Variants in DCDC1 observed in about 807,000 individuals in gnomAD.
DCDC1 encodes doublecortin domain containing 1, also known as doublecortin domain-containing protein 1.
A neutral mutation model predicts 178.3 loss-of-function variants in DCDC1; 200 were observed. That is an observed-to-expected ratio of 1.12 (90% CI 1.00 to 1.26). DCDC1 has a LOEUF of 1.26. Among genes scored for constraint, DCDC1 ranks in the 50% most tolerant of loss-of-function variants. The pLI is 0.00. For missense variants in DCDC1, 1,983 were observed against 1,749.2 expected, an observed-to-expected ratio of 1.13 and a Z score of -2.38; for synonymous variants, 690 against 604.8, an observed-to-expected ratio of 1.14 and a Z score of -2.07.
At chr11:30,929,654 T>A (rs548853291) in intron 22 of DCDC1, among the ~76,000 whole-genome samples, 5 of 152,144 alleles carry the variant, frequency 3.3e-5, no homozygotes, top group African/African-American at 7.2e-5. Flanking sequence ...AAGTAATATA[T>A]ATATTGAAAT....
At chr11:30,961,668 C>T (rs776214012) in intron 20 of DCDC1, among the ~76,000 whole-genome samples, 5 of 151,680 alleles carry the variant, frequency 3.3e-5, no homozygotes, top group Non-Finnish European at 7.4e-5. Flanking sequence ...ATTATTCATA[C>T]GGGTACAATA....
intron 1 of DCDC1, among the ~76,000 whole-genome samples, chr11:31,337,259 G>A (rs1950319277): frequency 6.6e-6 from 1 of 152,194 alleles, no homozygotes. Context: ...TTGCAGGGTT[G>A]AAGAATTCAA....
At chr11:31,150,533 T>C (rs2136093726) in intron 9 of DCDC1, among the ~76,000 whole-genome samples, 1 of 152,316 alleles carries the variant, frequency 6.6e-6, no homozygotes, top group Non-Finnish European at 1.5e-5. Flanking sequence ...CGTCTTTCTT[T>C]TTAATTTATA....
intron 22 of DCDC1, among the ~76,000 whole-genome samples, chr11:30,926,447 A>G (rs1433744483): frequency 6.6e-6 from 1 of 152,166 alleles, no homozygotes; most frequent in Non-Finnish European, 1.5e-5. Context: ...TAACTGTCAG[A>G]AAGGTGGAAA....
chr11:31,180,033 T>C (rs1968574410), intron 9 of DCDC1, among the ~76,000 whole-genome samples: 1 of 152,160 alleles, frequency 6.6e-6, no homozygotes, highest in African/African-American at 2.4e-5. Flanking sequence ...CAAAACCATA[T>C]GATCATCTCA....
In DCDC1 at chr11:31,126,953, C is replaced by T. The variant is rs1961712990; in HGVS notation, c.1485+516G>A. Among the ~76,000 whole-genome samples the T allele has an allele frequency of 1.3e-5, 2 of 152,088 alleles. 1 individual carries two copies. The highest frequency in any genetic ancestry group is 1.3e-4 in the Admixed American group (2 of 15,264). On this transcript the variant is annotated intron_variant, in intron 11 of 38. Transcript: ENST00000684477. ...GACAAATAACCAATTCACCTTTTTT[C>T]CCAGTATATTCTTAAGTATTGATTT...
intron 19 of DCDC1, 119 bp downstream of exon 19, chr11:31,064,900 C>T: frequency 1.7e-6 from 1 of 581,388 alleles, no homozygotes; most frequent in Non-Finnish European, 3.0e-6. Flanking sequence ...TTTAAACTAT[C>T]CATAACATTA....
At chr11:31,362,600 G>A (rs1951764920) in intron 1 of DCDC1, among the ~76,000 whole-genome samples, 1 of 152,060 alleles carries the variant, frequency 6.6e-6, no homozygotes, top group Admixed American at 6.6e-5. Context: ...CAAACAATCT[G>A]TCATTTGTCT....
intron 10 of DCDC1, among the ~76,000 whole-genome samples, chr11:31,130,823 G>T (rs906952962): frequency 1.3e-5 from 2 of 152,054 alleles, no homozygotes; most frequent in South Asian, 2.1e-4. Context: ...GGAATGGAAG[G>T]CAGAGACAAT....
intron 6 of DCDC1, among the ~76,000 whole-genome samples, chr11:31,294,870 A>AAAG (rs1565567555): frequency 1.0e-4 from 15 of 149,510 alleles, no homozygotes; most frequent in South Asian, 2.1e-4. Context: ...AAGAAAGAAA[A>AAAG]AGAAAACAGA....
At chr11:30,962,270 T>C (rs906165973) in intron 20 of DCDC1, among the ~76,000 whole-genome samples, 1 of 152,066 alleles carries the variant, frequency 6.6e-6, no homozygotes, top group African/African-American at 2.4e-5. Flanking sequence ...TACAAACTAA[T>C]AAATACAGTT....
intron 18 of DCDC1, among the ~76,000 whole-genome samples, chr11:31,070,205 A>G (rs1187956649): frequency 6.6e-6 from 1 of 152,184 alleles, no homozygotes; most frequent in East Asian, 1.9e-4. Flanking sequence ...ACCTCCAATG[A>G]GGCACCCACA....
At chr11:31,112,560 C>A (rs1424270300) in intron 11 of DCDC1, among the ~76,000 whole-genome samples, 1 of 152,076 alleles carries the variant, frequency 6.6e-6, no homozygotes, top group Admixed American at 6.6e-5. Flanking sequence ...ATGCAGAAAG[C>A]CAGCTGAGGC....
At chr11:31,198,295 A>G (rs1970913961) in intron 9 of DCDC1, among the ~76,000 whole-genome samples, 1 of 152,066 alleles carries the variant, frequency 6.6e-6, no homozygotes, top group Admixed American at 6.6e-5. Context: ...TCTACATAGA[A>G]AAATGTCTAT....
intron 20 of DCDC1, among the ~76,000 whole-genome samples, chr11:31,007,540 A>C (rs1419490713): frequency 6.6e-6 from 1 of 152,196 alleles, no homozygotes; most frequent in Non-Finnish European, 1.5e-5. Flanking sequence ...GGCAGATAAG[A>C]GGTTAGGATG....
intron 20 of DCDC1, among the ~76,000 whole-genome samples, chr11:30,971,789 T>G (rs1949814567): frequency 6.6e-6 from 1 of 151,958 alleles, no homozygotes; most frequent in Non-Finnish European, 1.5e-5. Context: ...TTTTGTATTT[T>G]TAGTAGAGAC....
At position 31,184,941 on chromosome 11, in the gene DCDC1, T is replaced by C. The variant is rs1165929965; in HGVS notation, c.1222-47157A>G. Among the ~76,000 whole-genome samples, 7 of 152,330 alleles carry C rather than the reference T, an allele frequency of 4.6e-5. No individual in the cohort carries two copies. The East Asian group carries it at 9.6e-4, about 21-fold the overall frequency. Reference sequence around the variant, plus strand: ...CCCAAAGGTTTATAAATAATTCTACTATAGAGACACATGCACACATATGTT... The same window carrying C: ...CCCAAAGGTTTATAAATAATTCTACCATAGAGACACATGCACACATATGTT... On this transcript the variant is annotated intron_variant, in intron 9 of 38. Transcript: ENST00000684477.
At chr11:31,241,983 T>C (rs940974689) in intron 8 of DCDC1, among the ~76,000 whole-genome samples, 2 of 151,980 alleles carry the variant, frequency 1.3e-5, no homozygotes, top group African/African-American at 4.8e-5. Flanking sequence ...AACTGTAAGA[T>C]CCATGTTGTT....
intron 1 of DCDC1, among the ~76,000 whole-genome samples, chr11:31,355,614 C>A (rs1381148657): frequency 6.6e-6 from 1 of 152,054 alleles, no homozygotes; most frequent in Non-Finnish European, 1.5e-5. Context: ...GCTGCCTAGG[C>A]TGGAGTGCAG....
Sources: gnomAD v4.1 joint callset for allele counts (sites outside exome capture counted in the v4.1 genomes callset) on GRCh38, gnomAD v4.1.1 for gene constraint, MANE v1.5 for transcripts, NCBI Gene and HGNC (gene_info 2026-07-23, HGNC 2026-07-21) for gene names.